Variants in ADAMTSL1 observed in about 807,000 individuals in gnomAD.
The protein encoded by ADAMTSL1 is ADAMTS like 1, also known as ADAMTS-like protein 1.
Under a neutral mutation model 201.8 loss-of-function variants are expected in ADAMTSL1, and 126 were observed. The ratio of observed to expected loss-of-function variants is 0.62; its 90% CI spans 0.54 to 0.72. ADAMTSL1 has a LOEUF of 0.72. ADAMTSL1 is among the 30% of genes least tolerant of loss of function. The pLI, the probability that ADAMTSL1 is intolerant of heterozygous loss-of-function variation, is 0.00. For synonymous variants in ADAMTSL1, 1,121 were observed against 903.4 expected, an observed-to-expected ratio of 1.24 and a Z score of -4.32; for missense variants, 2,679 against 2,277.8, an observed-to-expected ratio of 1.18 and a Z score of -3.59.
intron 1 of ADAMTSL1, among the ~76,000 whole-genome samples, chr9:18,088,244 C>T (rs1335730788): frequency 6.6e-6 from 1 of 152,072 alleles, no homozygotes; most frequent in Non-Finnish European, 1.5e-5. Flanking sequence ...CAAAAATCAA[C>T]TTTAAGTAGA....
chr9:18,518,119 GA>G (rs1818473156), intron 2 of ADAMTSL1, among the ~76,000 whole-genome samples: 1 of 152,146 alleles, frequency 6.6e-6, no homozygotes, highest in South Asian at 2.1e-4. Context: ...GACTGCAAGG[GA>G]AAAAAGTAAA....
At chr9:18,492,975 C>A (rs181324408) in intron 1 of ADAMTSL1, among the ~76,000 whole-genome samples, 40 of 152,254 alleles carry the variant, frequency 2.6e-4, no homozygotes, top group African/African-American at 9.4e-4. Flanking sequence ...AAAGTGCTCA[C>A]CAAAAACTCA....
chr9:18,342,500 G>C (rs1181138187), intron 2 of ADAMTSL1, among the ~76,000 whole-genome samples: 1 of 152,122 alleles, frequency 6.6e-6, no homozygotes. Flanking sequence ...TCTCATTTTA[G>C]TTACATCTCT....
intron 3 of ADAMTSL1, among the ~76,000 whole-genome samples, chr9:18,538,378 G>C (rs773342328): frequency 4.6e-5 from 7 of 152,002 alleles, no homozygotes; most frequent in Non-Finnish European, 7.4e-5. Flanking sequence ...ATCATGGCAA[G>C]TTTATAATTT....
rs188652694 is a variant in ADAMTSL1 at position 18,027,107 on chromosome 9, T to G, written c.87+120185T>G. Among the ~76,000 whole-genome samples, 630 of 151,576 alleles carry G rather than the reference T, an allele frequency of 4.2e-3. 5 individuals carry two copies. Among genetic ancestry groups the G allele is most frequent in the African/African-American group, 0.015 (607 of 41,352 alleles). ...TTTAGGTCTTCTCTTTTTTTTTTTT[T>G]AATTTGTTAATCTAGCTAGTGATCT... On this transcript the variant is annotated intron_variant, in intron 1 of 29. Coordinates refer to the ADAMTSL1 transcript ENST00000680146.
chr9:18,258,484 C>G lies in ADAMTSL1; in HGVS notation c.207+94503C>G, dbSNP rs118089343. Among the ~76,000 whole-genome samples, 262 of 152,306 alleles carry G rather than the reference C, an allele frequency of 1.7e-3. 11 individuals carry two copies. In the East Asian group the frequency reaches 0.043, roughly 25 times the overall value. Reference sequence around the variant, plus strand: ...TGCCAGGGCCTCCTTGTAATTGCAGCTTTCTCTGCATTCTCTCTTCTTCCC... The same window carrying G: ...TGCCAGGGCCTCCTTGTAATTGCAGGTTTCTCTGCATTCTCTCTTCTTCCC... On this transcript the variant is annotated intron_variant, in intron 2 of 29. Coordinates refer to the ADAMTSL1 transcript ENST00000680146.
intron 4 of ADAMTSL1, among the ~76,000 whole-genome samples, chr9:18,583,930 A>G (rs1823289810): frequency 6.6e-6 from 1 of 152,156 alleles, no homozygotes; most frequent in African/African-American, 2.4e-5. Flanking sequence ...GGAAATAACT[A>G]ACGTGCTTTT....
At chr9:18,735,201 G>T (rs1818432819) in intron 15 of ADAMTSL1, among the ~76,000 whole-genome samples, 1 of 152,136 alleles carries the variant, frequency 6.6e-6, no homozygotes, top group African/African-American at 2.4e-5. Flanking sequence ...TTCAGGCAAT[G>T]GTGAAAAACT....
At chr9:18,498,193 C>T (rs1032323059) in intron 1 of ADAMTSL1, among the ~76,000 whole-genome samples, 4 of 151,540 alleles carry the variant, frequency 2.6e-5, no homozygotes, top group Non-Finnish European at 5.9e-5. Context: ...GTGACATGAG[C>T]GTGTGTGCAT....
At chr9:18,508,161 G>T (rs1020176640) in intron 2 of ADAMTSL1, among the ~76,000 whole-genome samples, 1 of 151,582 alleles carries the variant, frequency 6.6e-6, no homozygotes, top group African/African-American at 2.4e-5. Flanking sequence ...CTCCAGCCTG[G>T]GCGACGAGCG....
At chr9:18,562,858 A>G (rs139101437) in intron 3 of ADAMTSL1, among the ~76,000 whole-genome samples, 3 of 152,316 alleles carry the variant, frequency 2.0e-5, no homozygotes, top group East Asian at 1.9e-4. Flanking sequence ...TCTGTTTATC[A>G]GCACCATCAG....
At chr9:18,270,438 T>A (rs73426978) in intron 2 of ADAMTSL1, among the ~76,000 whole-genome samples, 166 of 152,272 alleles carry the variant, frequency 1.1e-3, no homozygotes, top group African/African-American at 3.8e-3. Context: ...AAGGCCAAAT[T>A]ATCTTTGTAT....
At chr9:18,045,372 C>T (rs1358630491) in intron 1 of ADAMTSL1, among the ~76,000 whole-genome samples, 1 of 151,972 alleles carries the variant, frequency 6.6e-6, no homozygotes, top group Non-Finnish European at 1.5e-5. Context: ...AGTGGGAGCA[C>T]CAATAATTGT....
chr9:18,437,434 C>T (rs1819789317), intron 2 of ADAMTSL1, among the ~76,000 whole-genome samples: 1 of 152,132 alleles, frequency 6.6e-6, no homozygotes, highest in South Asian at 2.1e-4. Context: ...TGACAGACTG[C>T]AGTCTATTAC....
chr9:18,272,402 A>G (rs1318815359), intron 2 of ADAMTSL1, among the ~76,000 whole-genome samples: 1 of 152,232 alleles, frequency 6.6e-6, no homozygotes, highest in Non-Finnish European at 1.5e-5. Flanking sequence ...CTGGCTAGCT[A>G]TACGTAGAAA....
At chr9:17,945,728 A>G (rs1412530110) in intron 1 of ADAMTSL1, among the ~76,000 whole-genome samples, 2 of 150,810 alleles carry the variant, frequency 1.3e-5, no homozygotes, top group Admixed American at 6.6e-5. Context: ...AAAAAACCAA[A>G]CACCGCATAT....
At chr9:17,950,056 T>G (rs1234226235) in intron 1 of ADAMTSL1, among the ~76,000 whole-genome samples, 1 of 152,028 alleles carries the variant, frequency 6.6e-6, no homozygotes, top group Non-Finnish European at 1.5e-5. Flanking sequence ...GTAGCTGGAA[T>G]TATAGGCATG....
chr9:18,238,200 A>G (rs568251837), intron 2 of ADAMTSL1, among the ~76,000 whole-genome samples: 1 of 152,292 alleles, frequency 6.6e-6, no homozygotes, highest in South Asian at 2.1e-4. Context: ...TTTTAGGACT[A>G]TGTGGAAATT....
At chr9:17,955,630 A>G (rs1827899861) in intron 1 of ADAMTSL1, among the ~76,000 whole-genome samples, 1 of 152,208 alleles carries the variant, frequency 6.6e-6, no homozygotes, top group African/African-American at 2.4e-5. Flanking sequence ...TACCCAGGAC[A>G]TAAATCCTTC....
Sources: gnomAD v4.1 joint callset for allele counts (sites outside exome capture counted in the v4.1 genomes callset) on GRCh38, gnomAD v4.1.1 for gene constraint, MANE v1.5 for transcripts, NCBI Gene and HGNC (gene_info 2026-07-23, HGNC 2026-07-21) for gene names.